TMEM87A: variants seen among roughly 807,000 people sequenced by gnomAD.
TMEM87A encodes transmembrane protein 87A, also known as Golgi-pH regulating cation channel.
In TMEM87A, 50 loss-of-function variants were observed where a neutral mutation model predicts 90.0. That is an observed-to-expected ratio of 0.56 (90% CI 0.44 to 0.70). The LOEUF (loss-of-function observed/expected upper bound fraction) is 0.70. Among genes scored for constraint, TMEM87A ranks in the 30% least tolerant of loss-of-function variants. TMEM87A has a pLI of 0.00. For missense variants in TMEM87A, 577 were observed against 660.5 expected (o/e 0.87, Z 1.39); for synonymous variants, 226 against 226.7 (o/e 1.00, Z 0.03).
chr15:42,261,142 T>G, intron 5 of TMEM87A, 54 bp downstream of exon 5: 1 of 1,588,022 alleles, frequency 6.3e-7, no homozygotes, highest in East Asian at 2.3e-5. Context: ...GGGTATCTCC[T>G]GCACCACCAA....
At chr15:42,255,671 A>G (rs2140970639) in intron 6 of TMEM87A, among the ~76,000 whole-genome samples, 1 of 152,340 alleles carries the variant, frequency 6.6e-6, no homozygotes, top group Non-Finnish European at 1.5e-5. Context: ...GCTTAAATCC[A>G]AAAAACTGAG....
chr15:42,227,183 G>A (rs1348667877), intron 14 of TMEM87A, among the ~76,000 whole-genome samples: 1 of 152,084 alleles, frequency 6.6e-6, no homozygotes, highest in Non-Finnish European at 1.5e-5. Flanking sequence ...TTTAAGAAAG[G>A]GTTTTATACA....
intron 12 of TMEM87A, among the ~76,000 whole-genome samples, chr15:42,229,201 G>A (rs2050646557): frequency 1.3e-5 from 2 of 151,608 alleles, no homozygotes; most frequent in Admixed American, 1.3e-4. Context: ...ATAAGGTCTC[G>A]CTATGTTGCT....
At chr15:42,243,686 A>G (rs931502243) in intron 7 of TMEM87A, among the ~76,000 whole-genome samples, 14 of 151,758 alleles carry the variant, frequency 9.2e-5, no homozygotes, top group African/African-American at 3.1e-4. Flanking sequence ...CACCGAGCTA[A>G]TTTTGTATTT....
intron 7 of TMEM87A, 78 bp from the exon 8 acceptor site, chr15:42,239,809 G>A: frequency 1.6e-6 from 2 of 1,231,306 alleles, no homozygotes; most frequent in Non-Finnish European, 1.2e-6. Flanking sequence ...TTTGTTTAAT[G>A]AACTTAGTAA....
At position 42,236,374 on chromosome 15, in the gene TMEM87A, C is replaced by T. The variant is rs781463219; in HGVS notation, c.914G>A (p.Arg305His). 8 of 1,613,930 alleles carry T rather than the reference C, an allele frequency of 5.0e-6. No individual in the cohort carries two copies. The highest frequency in any genetic ancestry group is 1.7e-5 in the Admixed American group (1 of 60,000). ...ILAELLSAVK[R>H]SLARTLVIIV... The stretch of plus-strand genomic sequence containing the variant: ...GATGACCAGGGTTCGAGCCAGTGAG[C>T]GTTTCACTGCTGAAAGCAGCTCTGC... Residue 305 changes from arginine (R) to histidine (H), a missense_variant, in exon 10 of 20, where the codon CGC (arginine) becomes CAC (histidine). Coordinates refer to ENST00000389834, the MANE Select transcript of TMEM87A (RefSeq NM_015497.5).
Position 42,219,574 on chromosome 15 carries a change from T to C in TMEM87A, c.1539+7A>G, listed in dbSNP as rs1286911749. ...AGAACAAAGACAAATGGAAAAGTCA[T>C]ACTTACTGCTTTGTTAACTTTACTA... On this transcript the variant is annotated splice_region_variant and intron_variant, in intron 17 of 19. Coordinates refer to ENST00000389834, the MANE Select transcript of TMEM87A (RefSeq NM_015497.5). 2.5e-6 allele frequency: 4 copies of C among 1,593,532 alleles called. No individual in the cohort carries two copies. Among genetic ancestry groups the C allele is most frequent in the Non-Finnish European group, 3.4e-6 (4 of 1,168,090 alleles).
At chr15:42,229,192 T>G (rs2140930878) in intron 12 of TMEM87A, among the ~76,000 whole-genome samples, 1 of 151,812 alleles carries the variant, frequency 6.6e-6, no homozygotes, top group African/African-American at 2.4e-5. Flanking sequence ...TTTGTAGAGA[T>G]AAGGTCTCGC....
In TMEM87A at chr15:42,231,209, T is replaced by C. The variant is rs1298349835; in HGVS notation, c.1114A>G (p.Thr372Ala). ...LAFIPLAFLD[T>A]ALCWWIFISL... ...AAGGATATCCACCAGCACAAGGCAG[T>C]GTCTAGGAAAGCCAAGGGGATAAAG... The change falls in exon 12 of 20, where the codon ACT becomes GCT. Residue 372 changes from threonine (T) to alanine (A), a missense_variant. Physicochemically the swap from Thr to Ala is moderately conservative, Grantham distance 58. Coordinates refer to ENST00000389834, the MANE Select transcript of TMEM87A (RefSeq NM_015497.5). 1 of 1,599,612 alleles carries C rather than the reference T, an allele frequency of 6.3e-7. No homozygotes were observed. The highest frequency in any genetic ancestry group is 8.5e-7 in the Non-Finnish European group (1 of 1,174,280).
intron 8 of TMEM87A, among the ~76,000 whole-genome samples, chr15:42,238,492 C>T (rs138387456): frequency 0.02 from 3,088 of 152,224 alleles, 111 homozygotes; most frequent in African/African-American, 0.071. Context: ...ATCGCTTGAA[C>T]CCAGGAGCTG....
chr15:42,227,881 A>G, intron 13 of TMEM87A, 112 bp from the exon 14 acceptor site: 1 of 812,756 alleles, frequency 1.2e-6, no homozygotes, highest in East Asian at 2.6e-5. Flanking sequence ...CCCCAAATAC[A>G]TCACAACTCT....
Position 42,220,830 on chromosome 15 carries a change from C to T in TMEM87A, c.1404-695G>A, listed in dbSNP as rs555472634. ...TTTTTGAGACGGAGTCTCGCTCTGT[C>T]GCCCAGGCTGGAGTGCAGTGGCATG... On this transcript the variant is annotated intron_variant, in intron 15 of 19. Transcript: ENST00000389834. 7.2e-5 allele frequency among the ~76,000 whole-genome samples: 11 copies of T among 152,184 alleles called. No homozygotes were observed. In the East Asian group the frequency reaches 2.1e-3, roughly 29 times the overall value.
Position 42,272,067 on chromosome 15 carries a change from C to A in TMEM87A, c.201G>T (p.Leu67=), listed in dbSNP as rs1308763064. 1 of 1,601,302 alleles carries A rather than the reference C, an allele frequency of 6.2e-7. No individual in the cohort carries two copies. The highest frequency in any genetic ancestry group is 8.5e-7 in the Non-Finnish European group (1 of 1,175,966). ...KILFRNTTIF[L]KFDGEPCDLS... is the part of the protein sequence containing the mutation. ...TCATGAAATTCAAAAACTCACACTT[C>A]AGGAAGATAGTGGTATTTCTGAAGA... The change falls in exon 2 of 20, where the codon CTG becomes CTT. Residue 67 remains leucine, a synonymous_variant. Coordinates refer to ENST00000389834, the MANE Select transcript of TMEM87A (RefSeq NM_015497.5).
chr15:42,258,272 AAAT>A (rs1283697936), intron 6 of TMEM87A: 2 of 745,312 alleles, frequency 2.7e-6, no homozygotes, highest in African/African-American at 3.7e-5. Flanking sequence ...TCCCTTTTTA[AAAT>A]AATATAAACA....
chr15:42,237,580 A>G lies in TMEM87A; in HGVS notation c.720T>C (p.Phe240=). The change falls in exon 9 of 20, where the codon TTT becomes TTC. Residue 240 remains phenylalanine, a synonymous_variant. Coordinates refer to ENST00000389834, the MANE Select transcript of TMEM87A (RefSeq NM_015497.5). ...CAGACCATGCCAGCCACAGAACACC[A>G]AACAGGACATATACAATACACATCA... ...FMVMCIVYVL[F]GVLWLAWSAC... is the part of the protein sequence containing the mutation. 6.2e-7 allele frequency: 1 copy of G among 1,614,140 alleles called. No individual in the cohort carries two copies. The highest frequency in any genetic ancestry group is 1.1e-5 in the South Asian group (1 of 91,064).
intron 19 of TMEM87A, 150 bp from the exon 20 acceptor site, chr15:42,211,899 A>C: frequency 1.3e-6 from 1 of 750,616 alleles, no homozygotes. Flanking sequence ...ATTTGTGAAG[A>C]TTTTGAACAT....
intron 19 of TMEM87A, among the ~76,000 whole-genome samples, chr15:42,215,074 T>C (rs2050358563): frequency 6.6e-6 from 1 of 152,256 alleles, no homozygotes; most frequent in South Asian, 2.1e-4. Context: ...ACCTCGGCTA[T>C]ATGTATAAGC....
At chr15:42,263,021 T>C (rs1331128095) in intron 4 of TMEM87A, among the ~76,000 whole-genome samples, 6 of 152,184 alleles carry the variant, frequency 3.9e-5, no homozygotes, top group African/African-American at 1.4e-4. Context: ...AGGTGTGAAA[T>C]TGAACTCTAA....
chr15:42,257,281 A>G (rs1037643036), intron 6 of TMEM87A, among the ~76,000 whole-genome samples: 4 of 151,754 alleles, frequency 2.6e-5, no homozygotes, highest in Non-Finnish European at 5.9e-5. Context: ...TTCAGTAATG[A>G]GTTATCCCTC....
Sources: gnomAD v4.1 joint callset for allele counts (sites outside exome capture counted in the v4.1 genomes callset) on GRCh38, gnomAD v4.1.1 for gene constraint, MANE v1.5 for transcripts, NCBI Gene and HGNC (gene_info 2026-07-23, HGNC 2026-07-21) for gene names.